DSCAM: variants seen among roughly 807,000 people sequenced by gnomAD.
DSCAM encodes cell adhesion molecule DSCAM.
A neutral mutation model predicts 217.7 loss-of-function variants in DSCAM; 47 were observed. That is an observed-to-expected ratio of 0.22 (90% CI 0.17 to 0.28). The LOEUF (loss-of-function observed/expected upper bound fraction) is 0.28, where lower values mean the gene tolerates loss of function less well. Among genes scored for constraint, DSCAM ranks in the 10% least tolerant of loss-of-function variants. The probability of loss-of-function intolerance (pLI) is 1.00; values close to 1 mark genes in which losing one functional copy is unlikely to be tolerated. For missense variants in DSCAM, 2,080 were observed against 2,618.3 expected (o/e 0.79, Z 4.49); for synonymous variants, 1,056 against 1,015.3 (o/e 1.04, Z -0.76).
intron 16 of DSCAM, 36 bp downstream of exon 16, chr21:40,167,182 G>A (rs1006866933): frequency 3.7e-6 from 6 of 1,600,050 alleles, no homozygotes; most frequent in African/African-American, 2.7e-5. Flanking sequence ...GCCCTGGGGG[G>A]AAAGCACCGA....
chr21:40,339,496 G>T, intron 6 of DSCAM, 81 bp from the exon 7 acceptor site: 7 of 1,347,698 alleles, frequency 5.2e-6, no homozygotes, highest in Non-Finnish European at 7.0e-6. Context: ...TCATGTCTAG[G>T]GGGTAAATGT....
intron 4 of DSCAM, among the ~76,000 whole-genome samples, chr21:40,358,636 G>A (rs550888478): frequency 2.6e-5 from 4 of 151,924 alleles, no homozygotes; most frequent in Non-Finnish European, 4.4e-5. Flanking sequence ...GTGGAACCCC[G>A]TCTCTACTAA....
At chr21:40,563,525 C>A (rs1033604426) in intron 3 of DSCAM, among the ~76,000 whole-genome samples, 1 of 140,810 alleles carries the variant, frequency 7.1e-6, no homozygotes, top group African/African-American at 2.6e-5. Context: ...CAAAATATAT[C>A]TATTTGTTTA....
At chr21:40,013,567 C>T (rs993838240) in intron 32 of DSCAM, among the ~76,000 whole-genome samples, 181 bp from the exon 33 acceptor site, 1 of 152,194 alleles carries the variant, frequency 6.6e-6, no homozygotes, top group Non-Finnish European at 1.5e-5. Context: ...GTCCTCCTAC[C>T]TCCTCCCTGG....
intron 3 of DSCAM, among the ~76,000 whole-genome samples, chr21:40,473,969 C>T (rs1427825693): frequency 2.0e-5 from 3 of 152,136 alleles, no homozygotes; most frequent in Non-Finnish European, 2.9e-5. Flanking sequence ...TTTGTGGCAG[C>T]CCTAGCAGAT....
chr21:40,074,938 GTCAC>G, intron 27 of DSCAM, 95 bp downstream of exon 27: 1 of 1,300,072 alleles, frequency 7.7e-7, no homozygotes, highest in Non-Finnish European at 1.1e-6. Flanking sequence ...AGAGGGAAGA[GTCAC>G]TCCCTTTTGA....
rs1467690166 is a variant in DSCAM at position 40,646,428 on chromosome 21, A to AGGG, written c.508+46379_508+46381dup. Among the ~76,000 whole-genome samples the AGGG allele has an allele frequency of 6.8e-3, 1,003 of 146,756 alleles. 14 individuals are homozygous for AGGG. The highest frequency in any genetic ancestry group is 0.024 in the African/African-American group (933 of 39,528). On this transcript the variant is annotated intron_variant, in intron 3 of 32. Coordinates refer to ENST00000400454, the MANE Select transcript of DSCAM (RefSeq NM_001389.5). ...ACTCTGTCAAAAAAAAAAAAAAAAAAGGGGGGCTGTTCACCTGATACCATG... is the reference window on the plus strand; with the variant it reads ...ACTCTGTCAAAAAAAAAAAAAAAAAAGGGGGGGGGCTGTTCACCTGATACCATG...
chr21:40,722,100 C>T (rs1159253980), intron 1 of DSCAM, among the ~76,000 whole-genome samples: 1 of 151,826 alleles, frequency 6.6e-6, no homozygotes, highest in Non-Finnish European at 1.5e-5. Flanking sequence ...TTCATAAAGA[C>T]AAAATAACTT....
intron 1 of DSCAM, among the ~76,000 whole-genome samples, chr21:40,818,799 A>T (rs1194826958): frequency 6.6e-6 from 1 of 152,206 alleles, no homozygotes; most frequent in East Asian, 1.9e-4. Context: ...GAGAACGACT[A>T]AATTTAGATA....
chr21:40,792,781 C>T (rs1288279911), intron 1 of DSCAM, among the ~76,000 whole-genome samples: 1 of 152,182 alleles, frequency 6.6e-6, no homozygotes, highest in Non-Finnish European at 1.5e-5. Context: ...CCAAGCAAGA[C>T]ATCTGTGGGC....
intron 3 of DSCAM, among the ~76,000 whole-genome samples, chr21:40,427,166 CT>C (rs2075482599): frequency 6.6e-6 from 1 of 152,182 alleles, no homozygotes; most frequent in Admixed American, 6.5e-5. Context: ...CTGACTGCTG[CT>C]CTGGTCATGG....
intron 3 of DSCAM, among the ~76,000 whole-genome samples, chr21:40,483,036 G>A (rs565258100): frequency 8.3e-4 from 127 of 152,302 alleles, no homozygotes; most frequent in African/African-American, 3.0e-3. Context: ...GATCATCTGT[G>A]TCAGTGAAAG....
intron 15 of DSCAM, among the ~76,000 whole-genome samples, chr21:40,169,493 A>G (rs939131560): frequency 6.6e-6 from 1 of 152,092 alleles, no homozygotes; most frequent in Non-Finnish European, 1.5e-5. Flanking sequence ...TGCTACTCCA[A>G]GAGGATAATG....
At chr21:40,773,263 T>C (rs1270902467) in intron 1 of DSCAM, among the ~76,000 whole-genome samples, 1 of 152,212 alleles carries the variant, frequency 6.6e-6, no homozygotes, top group Non-Finnish European at 1.5e-5. Context: ...CTTTAAACAA[T>C]AGAAATTTGG....
intron 2 of DSCAM, 139 bp from the exon 3 acceptor site, chr21:40,693,095 A>C (rs2090556197): frequency 5.1e-6 from 5 of 987,800 alleles, no homozygotes; most frequent in Admixed American, 2.8e-5. Context: ...TAAGATGCCT[A>C]CATTTCACGT....
At chr21:40,252,073 T>C (rs2073312282) in intron 11 of DSCAM, among the ~76,000 whole-genome samples, 1 of 152,146 alleles carries the variant, frequency 6.6e-6, no homozygotes. Context: ...ACTACTTTGA[T>C]TGCAGCCTTG....
chr21:40,567,992 C>A (rs999898924), intron 3 of DSCAM, among the ~76,000 whole-genome samples: 5 of 151,970 alleles, frequency 3.3e-5, no homozygotes, highest in African/African-American at 4.8e-5. Flanking sequence ...GGCAGGAGTG[C>A]AGTGGCGCGA....
Position 40,342,547 on chromosome 21 carries a change from G to C in DSCAM, c.1211-3132C>G, listed in dbSNP as rs578193941. Among the ~76,000 whole-genome samples, 11 of 147,808 alleles carry C rather than the reference G, an allele frequency of 7.4e-5. No homozygotes were observed. In the South Asian group the frequency reaches 2.4e-3, roughly 32 times the overall value. On this transcript the variant is annotated intron_variant, in intron 6 of 32. Transcript: ENST00000400454. The stretch of plus-strand genomic sequence containing the variant: ...TGTAGGGATTAATACTCATTTTTTT[G>C]CCATACATTTATTGAGTTGTTTCAG...
At chr21:40,036,850 G>C (rs2088634540) in intron 32 of DSCAM, among the ~76,000 whole-genome samples, 2 of 149,368 alleles carry the variant, frequency 1.3e-5, no homozygotes, top group South Asian at 4.2e-4. Context: ...TGGGATGCAA[G>C]GCTGGTTCAA....
Sources: allele counts gnomAD v4.1 joint callset (sites outside exome capture counted in the v4.1 genomes callset), GRCh38; gene constraint gnomAD v4.1.1; transcripts MANE v1.5; gene names NCBI Gene and HGNC (gene_info 2026-07-23, HGNC 2026-07-21).